The following IL1RAPL1 variants were observed in gnomAD, a reference collection of about 807,000 sequenced individuals.
The protein encoded by IL1RAPL1 is interleukin 1 receptor accessory protein like 1, also known as interleukin-1 receptor accessory protein-like 1.
IL1RAPL1 carries 3 observed loss-of-function variants against 48.4 expected under a neutral mutation model. That is an observed-to-expected ratio of 0.06 (90% CI 0.03 to 0.16). The LOEUF (loss-of-function observed/expected upper bound fraction) is 0.16. IL1RAPL1 is among the 10% of genes least tolerant of loss of function. The probability of loss-of-function intolerance (pLI) is 1.00; values close to 1 mark genes in which losing one functional copy is unlikely to be tolerated. For missense variants in IL1RAPL1, 349 were observed against 530.6 expected (o/e 0.66, Z 3.36); for synonymous variants, 185 against 187.7 (o/e 0.99, Z 0.12).
In IL1RAPL1 at chrX:29,954,662, A is replaced by C; in HGVS notation, c.1342A>C (p.Ile448Leu). The change falls in exon 10 of 11, where the codon ATA becomes CTA. Residue 448 changes from isoleucine (I) to leucine (L), a missense_variant. By Grantham distance (5) the Ile-to-Leu change is conservative. Transcript: ENST00000378993. ...LEKHYGYKLF[I>L]PDRDLIPTGT... ...AAAGCATTATGGATATAAGTTGTTT[A>C]TACCAGATAGAGATTTAATCCCAAC... 8.3e-7 allele frequency: 1 copy of C among 1,203,819 alleles called. No individual in the cohort carries two copies. The highest frequency in any genetic ancestry group is 1.1e-6 in the Non-Finnish European group (1 of 888,049).
At chrX:29,571,495 T>C (rs947575963) in intron 5 of IL1RAPL1, among the ~76,000 whole-genome samples, 3 of 111,147 alleles carry the variant, frequency 2.7e-5, no homozygotes, top group Non-Finnish European at 3.8e-5. Context: ...AAAGAAAATA[T>C]AGTAGTTCAT....
At chrX:28,619,964 G>T (rs1388770244) in intron 1 of IL1RAPL1, among the ~76,000 whole-genome samples, 2 of 111,004 alleles carry the variant, frequency 1.8e-5, no homozygotes, top group Non-Finnish European at 3.8e-5. Flanking sequence ...TTCTAAGGGG[G>T]GCATAAAGAA....
At chrX:29,355,879 TAAA>T (rs72441413) in intron 3 of IL1RAPL1, among the ~76,000 whole-genome samples, 37,838 of 108,564 alleles carry the variant, frequency 0.35, 5,938 homozygotes, top group Middle Eastern at 0.54. Flanking sequence ...AAGTAAACAG[TAAA>T]AAAAAACATT....
chrX:28,627,078 G>A (rs1934347987), intron 1 of IL1RAPL1, among the ~76,000 whole-genome samples: 1 of 111,806 alleles, frequency 8.9e-6, no homozygotes, highest in African/African-American at 3.3e-5. Context: ...GTGGAAGTTG[G>A]CAGCTATGTG....
intron 2 of IL1RAPL1, among the ~76,000 whole-genome samples, chrX:28,951,120 T>G (rs1439532300): frequency 5.5e-4 from 31 of 56,505 alleles, no homozygotes; most frequent in African/African-American, 1.7e-3. Flanking sequence ...TGGGGACTGT[T>G]GTGGGGTGGG....
chrX:28,693,291 C>A (rs932588525), intron 1 of IL1RAPL1, among the ~76,000 whole-genome samples: 1 of 112,046 alleles, frequency 8.9e-6, no homozygotes. Context: ...CCAGCACATG[C>A]CTGATAGGAA....
intron 6 of IL1RAPL1, among the ~76,000 whole-genome samples, chrX:29,744,995 G>A (rs1928296392): frequency 8.9e-6 from 1 of 111,900 alleles, no homozygotes; most frequent in Admixed American, 9.5e-5. Context: ...GCATTACCAT[G>A]GGATGTCATT....
intron 2 of IL1RAPL1, among the ~76,000 whole-genome samples, chrX:28,934,171 A>T (rs1190832018): frequency 2.7e-5 from 3 of 110,783 alleles, no homozygotes; most frequent in Non-Finnish European, 3.8e-5. Context: ...TCCTAGTCAA[A>T]ATGGAGTCAC....
chrX:29,179,402 T>A (rs1200636320), intron 2 of IL1RAPL1, among the ~76,000 whole-genome samples: 1 of 111,955 alleles, frequency 8.9e-6, no homozygotes, highest in East Asian at 2.8e-4. Context: ...AAAAAATCCT[T>A]CTCAACCAGT....
intron 6 of IL1RAPL1, among the ~76,000 whole-genome samples, chrX:29,851,799 T>G (rs1397797634): frequency 1.8e-5 from 2 of 111,733 alleles, no homozygotes; most frequent in Non-Finnish European, 1.9e-5. Flanking sequence ...TGCCCATAAT[T>G]CTATCAAAGA....
intron 2 of IL1RAPL1, among the ~76,000 whole-genome samples, chrX:28,986,726 A>G (rs1925484346): frequency 8.9e-6 from 1 of 112,262 alleles, no homozygotes; most frequent in Non-Finnish European, 1.9e-5. Context: ...GCTCCCCTGC[A>G]CAGAAAAATA....
intron 5 of IL1RAPL1, among the ~76,000 whole-genome samples, chrX:29,624,957 A>G (rs1218757937): frequency 8.9e-6 from 1 of 112,239 alleles, no homozygotes; most frequent in Non-Finnish European, 1.9e-5. Flanking sequence ...AGGGGTCTGC[A>G]AACTTTTCCT....
chrX:29,627,665 T>C (rs999861804), intron 5 of IL1RAPL1, among the ~76,000 whole-genome samples: 23 of 111,781 alleles, frequency 2.1e-4, no homozygotes, highest in African/African-American at 6.8e-4. Context: ...TTCCATCACA[T>C]TATTCTAAGC....
At chrX:28,604,163 A>G (rs1934058422) in intron 1 of IL1RAPL1, among the ~76,000 whole-genome samples, 2 of 111,810 alleles carry the variant, frequency 1.8e-5, no homozygotes, top group Admixed American at 9.5e-5. Context: ...ACTTTTCCCT[A>G]TATATAAGTA....
chrX:29,731,096 A>G (rs767117956), intron 6 of IL1RAPL1, among the ~76,000 whole-genome samples: 48 of 112,128 alleles, frequency 4.3e-4, no homozygotes, highest in Middle Eastern at 4.7e-3. Context: ...CTCACTTGCT[A>G]CCAACGTTTT....
intron 5 of IL1RAPL1, among the ~76,000 whole-genome samples, chrX:29,518,441 G>C (rs1935470054): frequency 9.0e-6 from 1 of 110,958 alleles, no homozygotes; most frequent in African/African-American, 3.3e-5. Context: ...GGCAAGTGAG[G>C]TGGGGGTCGA....
intron 1 of IL1RAPL1, among the ~76,000 whole-genome samples, chrX:28,590,870 T>C (rs140457434): frequency 0.019 from 2,143 of 112,069 alleles, 47 homozygotes; most frequent in African/African-American, 0.066. Flanking sequence ...CAAATATACA[T>C]ATGTAATTGC....
intron 2 of IL1RAPL1, among the ~76,000 whole-genome samples, chrX:29,029,020 G>A (rs2147407678): frequency 9.0e-6 from 1 of 111,600 alleles, no homozygotes; most frequent in Admixed American, 9.5e-5. Context: ...GGAAACTTAC[G>A]ATCATGGTGG....
At chrX:28,726,055 C>A (rs773649928) in intron 1 of IL1RAPL1, among the ~76,000 whole-genome samples, 5 of 111,874 alleles carry the variant, frequency 4.5e-5, no homozygotes, top group African/African-American at 1.6e-4. Flanking sequence ...ACAGTGCACT[C>A]ATTTATTTTT....
Sources: gnomAD v4.1 joint callset for allele counts (sites outside exome capture counted in the v4.1 genomes callset) on GRCh38, gnomAD v4.1.1 for gene constraint, MANE v1.5 for transcripts, NCBI Gene and HGNC (gene_info 2026-07-23, HGNC 2026-07-21) for gene names.